The following EEF1G variants were observed in gnomAD, a reference collection of about 807,000 sequenced individuals.
The protein encoded by EEF1G is elongation factor 1-gamma.
Under a neutral mutation model 58.3 loss-of-function variants are expected in EEF1G, and 14 were observed. The observed-to-expected ratio is 0.24, with a 90% CI of 0.16 to 0.38. EEF1G has a LOEUF of 0.38. Ranked by LOEUF, EEF1G falls within the 10% of genes least tolerant of loss-of-function variation. The pLI is 1.00. For synonymous variants in EEF1G, 180 were observed against 206.8 expected (o/e 0.87, Z 1.11); for missense variants, 322 against 550.1 (o/e 0.59, Z 4.15).
chr11:62,566,816 G>C lies in EEF1G; in HGVS notation c.847C>G (p.Leu283Val), dbSNP rs768303087. The C allele has an allele frequency of 2.3e-5, 37 of 1,613,398 alleles. No homozygotes were observed. Among genetic ancestry groups the C allele is most frequent in the Non-Finnish European group, 3.0e-5 (35 of 1,179,702 alleles). ...EPKAKDPFAHLPKSTFVLDEF... is the reference protein window; with the variant it reads ...EPKAKDPFAHVPKSTFVLDEF... The stretch of plus-strand genomic sequence containing the variant: ...CTCCAATATCCTTACCTCTTGGGCA[G>C]GTGAGCGAAGGGGTCCTTGGCCTTG... Residue 283 changes from leucine (L) to valine (V), a missense_variant, in exon 7 of 10, where the codon CTG (leucine) becomes GTG (valine). Physicochemically the swap from Leu to Val is conservative, Grantham distance 32. Coordinates refer to ENST00000329251, the MANE Select transcript of EEF1G (RefSeq NM_001404.5).
intron 1 of EEF1G, 47 bp from the exon 2 acceptor site, chr11:62,572,789 G>T (rs886912910): frequency 1.0e-5 from 16 of 1,549,710 alleles, no homozygotes; most frequent in Middle Eastern, 1.8e-4. Flanking sequence ...AAGGGTCCCA[G>T]TCCTTAATGC....
At position 62,559,799 on chromosome 11, in the gene EEF1G, T is replaced by A; in HGVS notation, c.1194A>T (p.Thr398=). 1.2e-6 allele frequency: 2 copies of A among 1,613,978 alleles called. No homozygotes were observed. Among genetic ancestry groups the A allele is most frequent in the Non-Finnish European group, 1.7e-6 (2 of 1,179,886 alleles). The change falls in exon 10 of 10, where the codon ACA becomes ACT. Residue 398 remains threonine, a synonymous_variant. Coordinates refer to ENST00000329251, the MANE Select transcript of EEF1G (RefSeq NM_001404.5). ...PDWQVDYESY[T]WRKLDPGSEE... is the part of the protein sequence containing the mutation. ...CGCTGCCAGGATCCAGTTTCCGCCA[T>A]GTGTATGACTCGTAGTCCACCTGCC...
intron 5 of EEF1G, among the ~76,000 whole-genome samples, chr11:62,568,743 C>A (rs895928392): frequency 1.3e-5 from 2 of 151,972 alleles, no homozygotes; most frequent in African/African-American, 4.8e-5. Flanking sequence ...GAGGCCGAGG[C>A]GGGCAGATAA....
At chr11:62,561,688 A>AAAAAAAAAAAAAAAC (rs1941498250) in intron 7 of EEF1G, among the ~76,000 whole-genome samples, 1 of 140,432 alleles carries the variant, frequency 7.1e-6, no homozygotes, top group Non-Finnish European at 1.6e-5. Context: ...AAAACAAAAA[A>AAAAAAAAAAAAAAAC]AAAAAAAACA....
chr11:62,560,109 G>A lies in EEF1G; in HGVS notation c.1115C>T (p.Ser372Phe). The A allele has an allele frequency of 6.2e-7, 1 of 1,614,050 alleles. No homozygotes were observed. The highest frequency in any genetic ancestry group is 8.5e-7 in the Non-Finnish European group (1 of 1,179,906). Residue 372 changes from serine to phenylalanine, a missense_variant, in exon 9 of 10, where the codon TCT (serine) becomes TTT (phenylalanine). Physicochemically the swap from Ser to Phe is radical, Grantham distance 155. This residue lies in a region of EEF1G where 208 missense variants were observed against 323.7 expected (regional missense o/e 0.64). Coordinates refer to ENST00000329251, the MANE Select transcript of EEF1G (RefSeq NM_001404.5). ...CTGGCCTCGGAAGACCCAGACTCCA[G>A]AAATGGAGCTGCTATTGTTGGTTCC... ...LFGTNNSSSI[S>F]GVWVFRGQEL...
chr11:62,560,040 A>C (rs753453751), intron 9 of EEF1G, 29 bp downstream of exon 9: 3 of 1,613,710 alleles, frequency 1.9e-6, no homozygotes, highest in Admixed American at 1.7e-5. Flanking sequence ...CCCCACCCTA[A>C]AGAGACTCCT....
At chr11:62,566,310 C>G (rs1025541812) in intron 7 of EEF1G, among the ~76,000 whole-genome samples, 6 of 152,240 alleles carry the variant, frequency 3.9e-5, no homozygotes, top group African/African-American at 1.4e-4. Context: ...CACTACTTAG[C>G]TATGATCTTC....
intron 7 of EEF1G, among the ~76,000 whole-genome samples, chr11:62,565,634 T>A (rs1941547123): frequency 1.3e-5 from 2 of 152,150 alleles, no homozygotes; most frequent in African/African-American, 2.4e-5. Context: ...TTGGGTTAAT[T>A]ATCATGACCT....
intron 4 of EEF1G, 142 bp downstream of exon 4, chr11:62,571,398 A>G: frequency 7.4e-7 from 1 of 1,344,052 alleles, no homozygotes; most frequent in Non-Finnish European, 1.0e-6. Context: ...CACTGCTTCA[A>G]ACTCGTACCC....
At chr11:62,571,234 G>A (rs1272553048) in intron 4 of EEF1G, 126 bp from the exon 5 acceptor site, 2 of 1,430,920 alleles carry the variant, frequency 1.4e-6, no homozygotes, top group South Asian at 1.2e-5. Context: ...CTCTTTCAAT[G>A]GAGGCAGATC....
At chr11:62,571,799 C>T in intron 3 of EEF1G, 39 bp downstream of exon 3, 2 of 1,572,378 alleles carry the variant, frequency 1.3e-6, no homozygotes, top group Non-Finnish European at 1.7e-6. Context: ...ACACCCTCAC[C>T]TCCAAATTCT....
intron 7 of EEF1G, among the ~76,000 whole-genome samples, chr11:62,564,246 T>G (rs1941530045): frequency 6.6e-6 from 1 of 152,118 alleles, no homozygotes; most frequent in Non-Finnish European, 1.5e-5. Flanking sequence ...GCGGATTGCC[T>G]GAGGTCAGGA....
intron 7 of EEF1G, 124 bp from the exon 8 acceptor site, chr11:62,560,578 T>A: frequency 9.2e-7 from 1 of 1,089,062 alleles, no homozygotes; most frequent in Non-Finnish European, 1.3e-6. Flanking sequence ...CTGGCAGATG[T>A]GTATGACCTT....
chr11:62,568,850 G>A (rs776404928), intron 5 of EEF1G, among the ~76,000 whole-genome samples: 8 of 151,952 alleles, frequency 5.3e-5, no homozygotes, highest in African/African-American at 9.7e-5. Context: ...GCACATGCCC[G>A]TAATCCCAGC....
chr11:62,567,082 G>T, intron 6 of EEF1G, 72 bp from the exon 7 acceptor site: 1 of 1,508,010 alleles, frequency 6.6e-7, no homozygotes, highest in Non-Finnish European at 9.2e-7. Context: ...ACCACACAGA[G>T]CAAGCAAGGT....
chr11:62,567,285 C>T, intron 6 of EEF1G, 114 bp downstream of exon 6: 1 of 1,383,110 alleles, frequency 7.2e-7, no homozygotes, highest in Non-Finnish European at 9.7e-7. Context: ...ACATTGACAC[C>T]CTACATTCTG....
At chr11:62,560,004 A>T in intron 9 of EEF1G, 65 bp downstream of exon 9, 3 of 1,610,188 alleles carry the variant, frequency 1.9e-6, no homozygotes, top group Non-Finnish European at 2.5e-6. Context: ...ACTCAGAAAT[A>T]AAACACAGTG....
rs773579698 is a variant in EEF1G at position 62,567,504 on chromosome 11, C to G, written c.547G>C (p.Ala183Pro). ...AACCAGCGGTTGGTATTGGGAAAGG[C>G]CTGGCGGAAAGAAGGCTCTAGAACC... ...KQVLEPSFRQ[A>P]FPNTNRWFLT... The change falls in exon 6 of 10, where the codon GCC (alanine) becomes CCC (proline). Residue 183 changes from alanine to proline, a missense_variant. By Grantham distance (27) the Ala-to-Pro change is conservative. Around this residue, in one of 3 missense-constraint regions of EEF1G, gnomAD observed 208 missense variants for 323.7 expected, o/e 0.64. Coordinates refer to ENST00000329251, the MANE Select transcript of EEF1G (RefSeq NM_001404.5). 1.2e-6 allele frequency: 2 copies of G among 1,609,626 alleles called. No homozygotes were observed. The highest frequency in any genetic ancestry group is 1.7e-6 in the Non-Finnish European group (2 of 1,177,852).
chr11:62,572,276 T>TA (rs1308900732), intron 2 of EEF1G, among the ~76,000 whole-genome samples: 1 of 152,174 alleles, frequency 6.6e-6, no homozygotes, highest in African/African-American at 2.4e-5. Flanking sequence ...CACCTATCTC[T>TA]ATAAACCCCT....
Sources: allele counts gnomAD v4.1 joint callset (sites outside exome capture counted in the v4.1 genomes callset), GRCh38; gene constraint gnomAD v4.1.1; regional missense constraint gnomAD v4.1.1; transcripts MANE v1.5; gene names NCBI Gene and HGNC (gene_info 2026-07-23, HGNC 2026-07-21).